MEGF6: variants seen among roughly 807,000 people sequenced by gnomAD.
MEGF6 encodes multiple epidermal growth factor-like domains protein 6.
In MEGF6, 184 loss-of-function variants were observed where a neutral mutation model predicts 207.1. That is an observed-to-expected ratio of 0.89 (90% CI 0.79 to 1.00). MEGF6 has a LOEUF of 1.00. Among genes scored for constraint, MEGF6 ranks in the 50% least tolerant of loss-of-function variants. MEGF6 has a pLI of 0.00. For synonymous variants in MEGF6, 1,038 were observed against 910.0 expected, an observed-to-expected ratio of 1.14 and a Z score of -2.53; for missense variants, 2,282 against 2,202.9, an observed-to-expected ratio of 1.04 and a Z score of -0.72.
At chr1:3,503,431 G>A (rs529356445) in intron 17 of MEGF6, among the ~76,000 whole-genome samples, 6 of 152,018 alleles carry the variant, frequency 3.9e-5, no homozygotes, top group East Asian at 1.9e-4. Flanking sequence ...GCTTATCCTC[G>A]GAGCACCACA....
chr1:3,497,725 C>T (rs1640671895), intron 26 of MEGF6: 6 of 402,600 alleles, frequency 1.5e-5, no homozygotes, highest in East Asian at 1.4e-4. Context: ...AGCACTGAGG[C>T]GACGGGAGCC....
chr1:3,537,130 T>C (rs923037071), intron 4 of MEGF6, among the ~76,000 whole-genome samples: 8 of 152,210 alleles, frequency 5.3e-5, no homozygotes, highest in African/African-American at 1.7e-4. Context: ...TTCACCCAGG[T>C]TCCTAGGGGC....
chr1:3,491,285 A>T (rs1408593140), intron 35 of MEGF6, among the ~76,000 whole-genome samples: 1 of 152,062 alleles, frequency 6.6e-6, no homozygotes, highest in African/African-American at 2.4e-5. Context: ...CACACTGCCC[A>T]TGGGGCCCCA....
chr1:3,569,424 A>G (rs1557783320), intron 4 of MEGF6, among the ~76,000 whole-genome samples: 1 of 152,260 alleles, frequency 6.6e-6, no homozygotes, highest in Non-Finnish European at 1.5e-5. Flanking sequence ...GTGAAGTGGA[A>G]CAGGCACAGC....
intron 21 of MEGF6, 128 bp downstream of exon 21, chr1:3,500,505 G>A (rs1006690851): frequency 1.5e-4 from 209 of 1,352,694 alleles, no homozygotes; most frequent in Middle Eastern, 1.9e-4. Flanking sequence ...GAGGGGGCGC[G>A]GCCAAAGGCT....
At chr1:3,507,029 G>A (rs1449865289) in intron 14 of MEGF6, among the ~76,000 whole-genome samples, 3 of 152,218 alleles carry the variant, frequency 2.0e-5, no homozygotes, top group African/African-American at 7.2e-5. Flanking sequence ...CCAGCACCCT[G>A]TAGAATAGAA....
chr1:3,507,242 C>T (rs12078947), intron 14 of MEGF6, among the ~76,000 whole-genome samples: 2,254 of 152,282 alleles, frequency 0.015, 88 homozygotes, highest in African/African-American at 0.051. Flanking sequence ...GTTTATGATA[C>T]GTTAGCTGCA....
chr1:3,543,379 G>A (rs1009740049), intron 4 of MEGF6, among the ~76,000 whole-genome samples: 13 of 152,218 alleles, frequency 8.5e-5, no homozygotes, highest in African/African-American at 2.9e-4. Flanking sequence ...GCTCACTCTC[G>A]GCTGCCGGCA....
At chr1:3,542,855 G>A (rs1378121468) in intron 4 of MEGF6, among the ~76,000 whole-genome samples, 1 of 152,222 alleles carries the variant, frequency 6.6e-6, no homozygotes, top group Non-Finnish European at 1.5e-5. Context: ...TGGAAGGCCT[G>A]GGCCATCCTG....
In MEGF6 at chr1:3,501,078, C is replaced by G; in HGVS notation, c.2463G>C (p.Trp821Cys). Residue 821 changes from tryptophan (W) to cysteine (C), a missense_variant, in exon 20 of 37, where the codon TGG becomes TGC. Transcript: ENST00000356575. The stretch of plus-strand genomic sequence containing the variant: ...ACCTTGTCTGGCAGCTGGGACCATA[C>G]CAGCCTGCTGGGCACACTACAGGCA... ...SRCQDVCPAG[W>C]YGPSCQTRCS... 6.2e-7 allele frequency: 1 copy of G among 1,612,762 alleles called. No individual in the cohort carries two copies. The highest frequency in any genetic ancestry group is 8.5e-7 in the Non-Finnish European group (1 of 1,179,922).
rs1470580180 is a variant in MEGF6 at position 3,560,751 on chromosome 1, C to T, written c.481+19074G>A. Reference sequence around the variant, plus strand: ...GTCGCCTAGAAACGGTCAGACTGGCCCCACCCACTCTGGATTTCCAGGGTC... The same window carrying T: ...GTCGCCTAGAAACGGTCAGACTGGCTCCACCCACTCTGGATTTCCAGGGTC... On this transcript the variant is annotated intron_variant, in intron 4 of 36. Coordinates refer to ENST00000356575, the MANE Select transcript of MEGF6 (RefSeq NM_001409.4). The surrounding 1 kb of genome is among the most constrained non-coding windows in gnomAD (Gnocchi z 4.0). 2.1e-6 allele frequency: 1 copy of T among 470,954 alleles called. No homozygotes were observed. The highest frequency in any genetic ancestry group is 2.3e-5 in the Admixed American group (1 of 42,998). The allele number at this position is 470,954 out of a possible 1,614,324, so 29.2% of individuals were successfully genotyped here.
chr1:3,593,588 C>T (rs1004978359), intron 3 of MEGF6, among the ~76,000 whole-genome samples: 1 of 151,904 alleles, frequency 6.6e-6, no homozygotes, highest in Non-Finnish European at 1.5e-5. Context: ...CCTCTCCCCG[C>T]CCCCGGCCTG....
rs113085311 is a variant in MEGF6 at position 3,602,957 on chromosome 1, G to A, written c.132-357C>T. On this transcript the variant is annotated intron_variant, in intron 1 of 36. Coordinates refer to ENST00000356575, the MANE Select transcript of MEGF6 (RefSeq NM_001409.4). ...CCTCGTCCAGAATCCAGGACCAAGC[G>A]CGGGCCCATTCTGTCCTCTCCACCC... 1.1e-3 allele frequency among the ~76,000 whole-genome samples: 168 copies of A among 152,296 alleles called. 2 individuals carry two copies. The highest frequency in any genetic ancestry group is 3.8e-3 in the African/African-American group (158 of 41,558).
At chr1:3,562,462 C>T (rs1643231104) in intron 4 of MEGF6, among the ~76,000 whole-genome samples, 1 of 152,172 alleles carries the variant, frequency 6.6e-6, no homozygotes, top group Admixed American at 6.5e-5. Context: ...CTCGCATAGT[C>T]AATACCCACA....
intron 21 of MEGF6, among the ~76,000 whole-genome samples, chr1:3,500,410 G>T (rs745738811): frequency 6.6e-6 from 1 of 152,276 alleles, no homozygotes; most frequent in Non-Finnish European, 1.5e-5. Flanking sequence ...GGAAAGCTCA[G>T]GAAAGGCAGA....
rs766851341 is a variant in MEGF6, at chr1:3,524,192, G to T, written c.536C>A (p.Thr179Asn). ...GCACTCACAGAGGTAGGAGCCTGGGGTGTTCACGCACCGGTGCTGGCAGCC... is the reference window on the plus strand; with the variant it reads ...GCACTCACAGAGGTAGGAGCCTGGGTTGTTCACGCACCGGTGCTGGCAGCC... ...NGGCQHRCVN[T>N]PGSYLCECKP... The change falls in exon 5 of 37, where the codon ACC becomes AAC. Residue 179 changes from threonine (T) to asparagine (N), a missense_variant. Thr to Asn is a moderately conservative substitution (Grantham distance 65). Transcript: ENST00000356575. 26 of 1,612,884 alleles carry T rather than the reference G, an allele frequency of 1.6e-5. No homozygotes were observed. The highest frequency in any genetic ancestry group is 2.2e-5 in the East Asian group (1 of 44,878).
chr1:3,522,973 CAT>C (rs1004517004), intron 5 of MEGF6, among the ~76,000 whole-genome samples: 12 of 152,190 alleles, frequency 7.9e-5, no homozygotes, highest in African/African-American at 2.9e-4. Context: ...TCCGGAAGCA[CAT>C]CACAACATTC....
chr1:3,607,367 C>T (rs796978100), intron 1 of MEGF6, among the ~76,000 whole-genome samples: 4 of 152,308 alleles, frequency 2.6e-5, no homozygotes, highest in South Asian at 2.1e-4. Flanking sequence ...GGGCCCTTGC[C>T]CTGCCCAGCC....
chr1:3,508,771 C>T lies in MEGF6; in HGVS notation c.1529-82G>A, dbSNP rs116337101. ...CAGAGGCCCGGCTCAGACCCTCAGG[C>T]CAGGGAAGGGGCATAAGGGGCATCC... On this transcript the variant is annotated intron_variant, in intron 12 of 36. Transcript: ENST00000356575. 2.6e-3 allele frequency: 4,009 copies of T among 1,545,216 alleles called. 93 individuals are homozygous for T. The African/African-American group carries it at 0.05, about 19-fold the overall frequency.
Sources: allele counts gnomAD v4.1 joint callset (sites outside exome capture counted in the v4.1 genomes callset), GRCh38; gene constraint gnomAD v4.1.1; non-coding constraint Gnocchi (gnomAD v3.1); transcripts MANE v1.5; gene names NCBI Gene and HGNC (gene_info 2026-07-23, HGNC 2026-07-21).